Variants in SMARCC1 observed in about 807,000 individuals in gnomAD.
SMARCC1 encodes the protein SWI/SNF related BAF chromatin remodeling complex subunit C1.
In SMARCC1, 43 loss-of-function variants were observed where a neutral mutation model predicts 147.4. The observed-to-expected ratio is 0.29, with a 90% CI of 0.23 to 0.38. The LOEUF is 0.38. Among genes scored for constraint, SMARCC1 ranks in the 10% least tolerant of loss-of-function variants. SMARCC1 has a pLI of 1.00. For synonymous variants in SMARCC1, 495 were observed against 484.4 expected, an observed-to-expected ratio of 1.02 and a Z score of -0.29; for missense variants, 1,119 against 1,381.1, an observed-to-expected ratio of 0.81 and a Z score of 3.01.
At chr3:47,704,277 A>T (rs946041574) in intron 10 of SMARCC1, among the ~76,000 whole-genome samples, 3 of 152,238 alleles carry the variant, frequency 2.0e-5, no homozygotes, top group African/African-American at 7.2e-5. Flanking sequence ...ATGAAACAAA[A>T]GTTGGGAAAA....
intron 7 of SMARCC1, among the ~76,000 whole-genome samples, chr3:47,719,613 G>A (rs867105223): frequency 6.6e-5 from 10 of 152,180 alleles, no homozygotes; most frequent in Middle Eastern, 6.8e-3. Context: ...GGAGGCAGGA[G>A]AATCACTTGA....
intron 7 of SMARCC1, among the ~76,000 whole-genome samples, chr3:47,719,468 A>T (rs1008760893): frequency 7.9e-5 from 12 of 151,802 alleles, no homozygotes; most frequent in African/African-American, 2.9e-4. Flanking sequence ...TGAGAAGCCA[A>T]GGTGGGTGGA....
chr3:47,610,892 T>G (rs1443295342), intron 25 of SMARCC1: 1 of 152,930 alleles, frequency 6.5e-6, no homozygotes, highest in Non-Finnish European at 1.5e-5. Context: ...TGTGGAACTT[T>G]GGCAGTGCCA....
chr3:47,732,029 T>C (rs2034380621), intron 5 of SMARCC1, among the ~76,000 whole-genome samples: 1 of 152,262 alleles, frequency 6.6e-6, no homozygotes, highest in African/African-American at 2.4e-5. Context: ...AGAAGACTAT[T>C]TCATTTACAT....
chr3:47,776,936 G>A (rs2106881535), intron 1 of SMARCC1, among the ~76,000 whole-genome samples: 1 of 151,990 alleles, frequency 6.6e-6, no homozygotes, highest in Admixed American at 6.6e-5. Context: ...CACCACATCT[G>A]GCTAATTTTG....
Position 47,691,543 on chromosome 3 carries a change from A to C in SMARCC1, c.1225+1698T>G, listed in dbSNP as rs143040633. On this transcript the variant is annotated intron_variant, in intron 12 of 27. Transcript: ENST00000254480. ...GTAAGAGAATTGCTTGAACCTGGGA[A>C]GTGGAGGTTGCAGTGAGCCAAGATC... is the stretch of plus-strand genomic sequence containing the variant. Among the ~76,000 whole-genome samples the C allele has an allele frequency of 3.5e-3, 522 of 150,952 alleles. 3 individuals carry two copies. The highest frequency in any genetic ancestry group is 0.01 in the Middle Eastern group (3 of 292).
At chr3:47,730,187 A>T (rs544020479) in intron 5 of SMARCC1, among the ~76,000 whole-genome samples, 6 of 151,764 alleles carry the variant, frequency 4.0e-5, no homozygotes, top group African/African-American at 7.3e-5. Context: ...AATAAAAAAT[A>T]AAAAAAAAGT....
At chr3:47,780,797 GTCC>G (rs1350868603) in intron 1 of SMARCC1, among the ~76,000 whole-genome samples, 1 of 151,804 alleles carries the variant, frequency 6.6e-6, no homozygotes, top group East Asian at 1.9e-4. Context: ...CTTTAAGGGA[GTCC>G]TCCTGAATAT....
intron 25 of SMARCC1, among the ~76,000 whole-genome samples, chr3:47,618,380 TA>T (rs771191211): frequency 4.3e-3 from 592 of 137,710 alleles, no homozygotes; most frequent in Middle Eastern, 7.4e-3. Context: ...TGTCAATATT[TA>T]AAAAAAAAAA....
chr3:47,731,973 T>C (rs1319562915), intron 5 of SMARCC1, among the ~76,000 whole-genome samples: 4 of 152,254 alleles, frequency 2.6e-5, no homozygotes, highest in Non-Finnish European at 4.4e-5. Context: ...AAGCCAGGCA[T>C]TGACTTCTCT....
At position 47,720,718 on chromosome 3, in the gene SMARCC1, C is replaced by T; in HGVS notation, c.664G>A (p.Val222Met). 1 of 1,611,398 alleles carries T rather than the reference C, an allele frequency of 6.2e-7. No homozygotes were observed. Among genetic ancestry groups the T allele is most frequent in the South Asian group, 1.1e-5 (1 of 90,638 alleles). Reference protein sequence around the residue: ...SQDDEEWLRPVMRKEKQVLVH... With the variant: ...SQDDEEWLRPMMRKEKQVLVH... ...AACACTTGCTTCTCTTTTCTCATCACCGGTCTCAACCATTCTTCTGGAAGA... is the reference window on the plus strand; with the variant it reads ...AACACTTGCTTCTCTTTTCTCATCATCGGTCTCAACCATTCTTCTGGAAGA... The change falls in exon 7 of 28, where the codon GTG becomes ATG. Residue 222 changes from valine (V) to methionine (M), a missense_variant. Coordinates refer to ENST00000254480, the MANE Select transcript of SMARCC1 (RefSeq NM_003074.4).
intron 2 of SMARCC1, among the ~76,000 whole-genome samples, chr3:47,756,028 C>T (rs1576432546): frequency 3.2e-5 from 4 of 123,134 alleles, no homozygotes; most frequent in Admixed American, 9.4e-5. Context: ...AAAGGCTGGG[C>T]GTGGTGGCGG....
At chr3:47,697,587 C>G (rs1286879934) in intron 11 of SMARCC1, among the ~76,000 whole-genome samples, 1 of 150,544 alleles carries the variant, frequency 6.6e-6, no homozygotes. Flanking sequence ...CAGGTGTGAG[C>G]CACTGCACCT....
chr3:47,747,477 A>AAATATAAATAT (rs1334751883), intron 2 of SMARCC1, among the ~76,000 whole-genome samples: 5 of 148,150 alleles, frequency 3.4e-5, no homozygotes. Flanking sequence ...ATATAAATAT[A>AAATATAAATAT]AATATAAAAA....
Position 47,667,472 on chromosome 3 carries a change from T to C in SMARCC1, c.1899+3186A>G, listed in dbSNP as rs540299761. Among the ~76,000 whole-genome samples the C allele has an allele frequency of 2.0e-5, 3 of 152,334 alleles. No individual in the cohort carries two copies. In the East Asian group the frequency reaches 5.8e-4, roughly 29 times the overall value. ...AAAGCAAAGCATACATGACAAACAC[T>C]AGAGCTATCACGGGAGAATCAGTGA... On this transcript the variant is annotated intron_variant, in intron 19 of 27. Transcript: ENST00000254480.
chr3:47,714,362 C>G lies in SMARCC1; in HGVS notation c.792+53G>C. ...TGGGCGACAGAGTGAGACGCCATCT[C>G]AAAAAAAATTTTAAAAAGATTATTG... On this transcript the variant is annotated intron_variant, in intron 8 of 27. Coordinates refer to ENST00000254480, the MANE Select transcript of SMARCC1 (RefSeq NM_003074.4). 3 of 1,134,754 alleles carry G rather than the reference C, an allele frequency of 2.6e-6. No homozygotes were observed. In the South Asian group the frequency reaches 3.8e-5, roughly 14 times the overall value. 70.3% of individuals were successfully genotyped at this position (1,134,754 alleles called of 1,614,324 possible).
Position 47,661,283 on chromosome 3 carries a change from C to CAGT in SMARCC1, c.2320+8_2320+10dup, listed in dbSNP as rs1203622321. On this transcript the variant is annotated intron_variant, in intron 21 of 27. Coordinates refer to ENST00000254480, the MANE Select transcript of SMARCC1 (RefSeq NM_003074.4). The stretch of plus-strand genomic sequence containing the variant: ...TATTAACCCTGTCCCTTAAAAGCAG[C>CAGT]AGTGACTCACCAAGCTTCTCTGGCT... The CAGT allele has an allele frequency of 6.3e-7, 1 of 1,598,750 alleles. No homozygotes were observed. Among genetic ancestry groups the CAGT allele is most frequent in the African/African-American group, 1.3e-5 (1 of 74,144 alleles).
At chr3:47,741,468 T>C (rs141567397) in intron 3 of SMARCC1, among the ~76,000 whole-genome samples, 15 of 150,934 alleles carry the variant, frequency 9.9e-5, no homozygotes, top group African/African-American at 3.6e-4. Flanking sequence ...ATATCTAAAC[T>C]TGACCCTTAA....
At position 47,772,871 on chromosome 3, in the gene SMARCC1, G is replaced by C; in HGVS notation, c.261C>G (p.Phe87Leu). The C allele has an allele frequency of 6.2e-7, 1 of 1,613,286 alleles. No individual in the cohort carries two copies. Residue 87 changes from phenylalanine (F) to leucine (L), a missense_variant, in exon 2 of 28, where the codon TTC (phenylalanine) becomes TTG (leucine). Phe to Leu is a conservative substitution (Grantham distance 22). Around this residue, in one of 6 missense-constraint regions of SMARCC1, gnomAD observed 542 missense variants for 611.8 expected, o/e 0.89. Transcript: ENST00000254480. ...CATGCTTCCCAAAGGCATCTTCCTG[G>C]AACTGAAGAAGCTGCACCACCAGCC... Reference protein sequence around the residue: ...LAGLVVQLLQFQEDAFGKHVT... With the variant: ...LAGLVVQLLQLQEDAFGKHVT...
Sources: gnomAD v4.1 joint callset for allele counts (sites outside exome capture counted in the v4.1 genomes callset) on GRCh38, gnomAD v4.1.1 for gene constraint, gnomAD v4.1.1 regional missense constraint, MANE v1.5 for transcripts, NCBI Gene and HGNC (gene_info 2026-07-23, HGNC 2026-07-21) for gene names.